Variants in PRCP observed in about 807,000 individuals in gnomAD.
PRCP encodes the protein lysosomal Pro-X carboxypeptidase.
A neutral mutation model predicts 54.2 loss-of-function variants in PRCP; 46 were observed. That is an observed-to-expected ratio of 0.85 (90% CI 0.67 to 1.09). The LOEUF is 1.09. Among genes scored for constraint, PRCP ranks in the 50% least tolerant of loss-of-function variants. The probability of loss-of-function intolerance (pLI) is 0.00; values close to 1 mark genes in which losing one functional copy is unlikely to be tolerated. For synonymous variants in PRCP, 240 were observed against 212.2 expected (o/e 1.13, Z -1.14); for missense variants, 613 against 596.8 (o/e 1.03, Z -0.28).
chr11:82,838,626 G>C, intron 7 of PRCP, 52 bp from the exon 8 acceptor site: 1 of 1,540,766 alleles, frequency 6.5e-7, no homozygotes, highest in Non-Finnish European at 8.8e-7. Context: ...GCAAAAAGAG[G>C]TTAAATAAAT....
At chr11:82,875,050 A>T (rs540388325) in intron 1 of PRCP, among the ~76,000 whole-genome samples, 5 of 152,248 alleles carry the variant, frequency 3.3e-5, no homozygotes, top group African/African-American at 9.6e-5. Flanking sequence ...GTATAAAAAA[A>T]GTTAGAATCT....
In PRCP at chr11:82,823,795, AC is replaced by A. The variant is rs1858151965; in HGVS notation, c.*1110del. 6.6e-6 allele frequency: 1 copy of A among 152,214 alleles called. No individual in the cohort carries two copies. The highest frequency in any genetic ancestry group is 2.4e-5 in the African/African-American group (1 of 41,462). The allele number at this position is 152,214 out of a possible 1,614,324, so 9.4% of individuals were successfully genotyped here. On this transcript the variant is annotated 3_prime_UTR_variant, in exon 9 of 9. Transcript: ENST00000313010. ...TCTGAAGAAAGGTCTCAGTGTAAGA[AC>A]TGCTTGAAAGAAGCCAACCCCTTGG...
intron 6 of PRCP, chr11:82,839,975 C>T (rs1858621996): frequency 6.6e-6 from 1 of 152,452 alleles, no homozygotes; most frequent in Admixed American, 6.6e-5. Context: ...CTACTTCACT[C>T]ACTTGATTTC....
At chr11:82,835,991 G>A (rs757831895) in intron 8 of PRCP, 3 of 273,878 alleles carry the variant, frequency 1.1e-5, no homozygotes, top group Non-Finnish European at 2.2e-5. Flanking sequence ...AGGAAATCAA[G>A]ACCATCCTGG....
At chr11:82,850,167 C>T (rs1256596067) in intron 4 of PRCP, 96 bp from the exon 5 acceptor site, 1 of 917,756 alleles carries the variant, frequency 1.1e-6, no homozygotes. Flanking sequence ...AAAGTTGAAA[C>T]ATAATAAAAA....
intron 1 of PRCP, among the ~76,000 whole-genome samples, chr11:82,875,616 C>A (rs866273783): frequency 6.6e-6 from 1 of 152,132 alleles, no homozygotes; most frequent in East Asian, 1.9e-4. Flanking sequence ...ATACTGGATA[C>A]AAGGATAAAA....
intron 1 of PRCP, among the ~76,000 whole-genome samples, chr11:82,878,011 T>C (rs879820709): frequency 2.0e-5 from 3 of 152,212 alleles, no homozygotes; most frequent in Non-Finnish European, 4.4e-5. Flanking sequence ...GGAACCCACC[T>C]CTTGCATCAG....
chr11:82,864,991 G>A (rs1192893610), intron 1 of PRCP, among the ~76,000 whole-genome samples: 1 of 152,164 alleles, frequency 6.6e-6, no homozygotes, highest in African/African-American at 2.4e-5. Flanking sequence ...AGGTGGGGAT[G>A]GGAGGGAATA....
At chr11:82,899,116 T>C (rs1860190051) in intron 1 of PRCP, among the ~76,000 whole-genome samples, 2 of 152,228 alleles carry the variant, frequency 1.3e-5, no homozygotes, top group Non-Finnish European at 1.5e-5. Context: ...CCCAACACTT[T>C]GGGAGGCTGA....
chr11:82,859,101 A>G (rs531509069), intron 2 of PRCP, among the ~76,000 whole-genome samples: 1 of 152,358 alleles, frequency 6.6e-6, no homozygotes, highest in South Asian at 2.1e-4. Flanking sequence ...AAGGTAGTTC[A>G]CAACTAGCTT....
At chr11:82,839,960 A>G (rs2121100816) in intron 6 of PRCP, 1 of 153,890 alleles carries the variant, frequency 6.5e-6, no homozygotes, top group East Asian at 1.9e-4. Flanking sequence ...AGCCCCTGTA[A>G]TGCTCTACTT....
chr11:82,841,748 C>A (rs1170210181), intron 6 of PRCP, among the ~76,000 whole-genome samples: 1 of 152,038 alleles, frequency 6.6e-6, no homozygotes, highest in Non-Finnish European at 1.5e-5. Flanking sequence ...TGGCAACTCT[C>A]GATTTTTCAT....
rs1270546254 is a variant in PRCP, at chr11:82,839,388, T to C, written c.959A>G (p.Asp320Gly). The C allele has an allele frequency of 1.2e-6, 2 of 1,613,512 alleles. No individual in the cohort carries two copies. The highest frequency in any genetic ancestry group is 1.3e-5 in the African/African-American group (1 of 75,046). ...GAAAATATTCTGCAGCAGCAGTGAA[T>C]CAGATACATTGGGATTTTTCAAATA... The part of the protein sequence containing the change: ...CQYLKNPNVS[D>G]SLLLQNIFQA... Residue 320 changes from aspartate (D) to glycine (G), a missense_variant, in exon 7 of 9, where the codon GAT (aspartate) becomes GGT (glycine). By Grantham distance (94) the Asp-to-Gly change is moderately conservative (BLOSUM62 -1). Coordinates refer to ENST00000313010, the MANE Select transcript of PRCP (RefSeq NM_005040.4).
intron 1 of PRCP, among the ~76,000 whole-genome samples, chr11:82,879,292 T>C (rs576547479): frequency 1.4e-4 from 22 of 152,374 alleles, no homozygotes; most frequent in African/African-American, 5.0e-4. Flanking sequence ...CTTCAATCAC[T>C]GATACCCTTT....
chr11:82,895,063 AATTAAAGCCATGTAC>A (rs760233373), intron 1 of PRCP, among the ~76,000 whole-genome samples: 116 of 152,342 alleles, frequency 7.6e-4, no homozygotes, highest in Non-Finnish European at 1.4e-3. Context: ...TGAAGGGGTT[AATTAAAGCCATGTAC>A]ATTAGGAAAC....
chr11:82,861,043 G>A (rs981468826), intron 1 of PRCP, among the ~76,000 whole-genome samples: 1 of 152,060 alleles, frequency 6.6e-6, no homozygotes, highest in African/African-American at 2.4e-5. Flanking sequence ...AATGACTGTA[G>A]TTAATTGAAA....
chr11:82,874,643 AT>A (rs1351572124), intron 1 of PRCP, among the ~76,000 whole-genome samples: 1 of 150,816 alleles, frequency 6.6e-6, no homozygotes, highest in Non-Finnish European at 1.5e-5. Flanking sequence ...ATGAACTGTG[AT>A]CACACCACTG....
At chr11:82,832,771 C>G (rs1028157091) in intron 8 of PRCP, among the ~76,000 whole-genome samples, 3 of 152,148 alleles carry the variant, frequency 2.0e-5, no homozygotes, top group African/African-American at 7.2e-5. Context: ...GTCATGAAGT[C>G]TTTGCCCATG....
intron 1 of PRCP, chr11:82,884,720 G>T: frequency 6.6e-7 from 1 of 1,525,540 alleles, no homozygotes; most frequent in South Asian, 1.2e-5. Context: ...TTTGCAGACA[G>T]ACCTGACTTT....
Sources: gnomAD v4.1 joint callset for allele counts (sites outside exome capture counted in the v4.1 genomes callset) on GRCh38, gnomAD v4.1.1 for gene constraint, MANE v1.5 for transcripts, NCBI Gene and HGNC (gene_info 2026-07-23, HGNC 2026-07-21) for gene names.